The following KLHL1 variants were observed in gnomAD, a reference collection of about 807,000 sequenced individuals.
The protein encoded by KLHL1 is kelch-like protein 1.
A neutral mutation model predicts 77.7 loss-of-function variants in KLHL1; 47 were observed. That is an observed-to-expected ratio of 0.60 (90% CI 0.48 to 0.77). The LOEUF (loss-of-function observed/expected upper bound fraction) is 0.77, where lower values mean the gene tolerates loss of function less well. Ranked by LOEUF, KLHL1 falls within the 30% of genes least tolerant of loss-of-function variation. KLHL1 has a pLI of 0.00. For synonymous variants in KLHL1, 360 were observed against 325.2 expected (o/e 1.11, Z -1.15); for missense variants, 925 against 910.8 (o/e 1.02, Z -0.20).
At position 69,811,032 on chromosome 13, in the gene KLHL1, T is replaced by C. The variant is rs570177961; in HGVS notation, c.1415-14070A>G. ...ACCAGATGGATTCACAGCAGAATTC[T>C]ATCAGACATACAAAGAAGAGCTTGT... On this transcript the variant is annotated intron_variant, in intron 6 of 10. Coordinates refer to ENST00000377844, the MANE Select transcript of KLHL1 (RefSeq NM_020866.3). 5.1e-4 allele frequency among the ~76,000 whole-genome samples: 77 copies of C among 151,052 alleles called. 1 individual carries two copies. Among genetic ancestry groups the C allele is most frequent in the African/African-American group, 1.9e-3 (76 of 40,450 alleles).
intron 4 of KLHL1, among the ~76,000 whole-genome samples, chr13:69,883,179 A>G (rs1457264103): frequency 2.0e-5 from 3 of 151,960 alleles, no homozygotes; most frequent in Admixed American, 6.6e-5. Flanking sequence ...ATATTTCCAA[A>G]CCATAAATGT....
At chr13:69,854,049 G>A (rs375508018) in intron 5 of KLHL1, among the ~76,000 whole-genome samples, 28 of 151,994 alleles carry the variant, frequency 1.8e-4, no homozygotes, top group East Asian at 1.5e-3. Context: ...TGATCCTAGA[G>A]GCAAAATTTA....
chr13:70,049,894 A>G lies in KLHL1; in HGVS notation c.497+57309T>C, dbSNP rs1209496892. Among the ~76,000 whole-genome samples, 3 of 152,080 alleles carry G rather than the reference A, an allele frequency of 2.0e-5. 1 individual carries two copies. The highest frequency in any genetic ancestry group is 6.3e-3 in the Middle Eastern group (2 of 316). On this transcript the variant is annotated intron_variant, in intron 1 of 10. Coordinates refer to ENST00000377844, the MANE Select transcript of KLHL1 (RefSeq NM_020866.3). ...CTTCTGACAGAAAATTAATATTGCC[A>G]GCAATCTAGATTATTCCCAGATACA...
chr13:69,893,224 A>G (rs1373485805), intron 4 of KLHL1, among the ~76,000 whole-genome samples: 5 of 151,484 alleles, frequency 3.3e-5, no homozygotes, highest in Non-Finnish European at 7.4e-5. Flanking sequence ...GTAGCTACAT[A>G]AATTTTTTTT....
intron 1 of KLHL1, among the ~76,000 whole-genome samples, chr13:70,057,072 T>C (rs767857475): frequency 5.3e-4 from 80 of 152,026 alleles, no homozygotes; most frequent in Non-Finnish European, 8.8e-4. Flanking sequence ...TGAGAAAGAC[T>C]CAAATAAATA....
intron 5 of KLHL1, among the ~76,000 whole-genome samples, chr13:69,861,804 A>AAAAAC (rs1566337996): frequency 6.8e-6 from 1 of 148,120 alleles, no homozygotes. Context: ...AAAAAAAAAA[A>AAAAAC]AAAATACAAA....
intron 7 of KLHL1, among the ~76,000 whole-genome samples, chr13:69,793,282 A>G (rs1876950725): frequency 6.6e-6 from 1 of 152,122 alleles, no homozygotes; most frequent in Non-Finnish European, 1.5e-5. Flanking sequence ...GTGATAAAAT[A>G]AAAATTTGTA....
At chr13:69,787,745 T>G (rs1876635316) in intron 7 of KLHL1, among the ~76,000 whole-genome samples, 1 of 151,970 alleles carries the variant, frequency 6.6e-6, no homozygotes, top group Non-Finnish European at 1.5e-5. Context: ...GGGAGAAAAT[T>G]TTCACAACCT....
chr13:69,955,888 TA>T (rs1485901298), intron 3 of KLHL1, among the ~76,000 whole-genome samples: 1 of 139,000 alleles, frequency 7.2e-6, no homozygotes, highest in East Asian at 2.5e-4. Flanking sequence ...TTTATATATA[TA>T]TTTGATATAT....
rs754429516 is a variant in KLHL1 at position 69,838,965 on chromosome 13, GA to G, written c.1414+10del. The G allele has an allele frequency of 2.5e-5, 39 of 1,580,148 alleles. No homozygotes were observed. The highest frequency in any genetic ancestry group is 3.0e-5 in the Non-Finnish European group (35 of 1,161,708). The stretch of plus-strand genomic sequence containing the variant: ...CAGGATGTATAGTTATATAAATCCA[GA>G]ATTAAATACCTTTGTTGTTATCCAT... On this transcript the variant is annotated intron_variant, in intron 6 of 10. Coordinates refer to ENST00000377844, the MANE Select transcript of KLHL1 (RefSeq NM_020866.3).
chr13:70,021,828 T>C (rs1441557), intron 1 of KLHL1, among the ~76,000 whole-genome samples: 129,033 of 151,838 alleles, frequency 0.85, 55,192 homozygotes, highest in East Asian at 0.92. Flanking sequence ...TTTAAGAAAT[T>C]GGTTTTTGTT....
intron 6 of KLHL1, among the ~76,000 whole-genome samples, chr13:69,803,373 T>C (rs1045383001): frequency 1.3e-5 from 2 of 152,164 alleles, no homozygotes; most frequent in Middle Eastern, 6.4e-3. Flanking sequence ...ACATCCACAA[T>C]ATTAACCTGG....
chr13:69,810,339 T>A (rs1420620373), intron 6 of KLHL1, among the ~76,000 whole-genome samples: 1 of 152,068 alleles, frequency 6.6e-6, no homozygotes, highest in Non-Finnish European at 1.5e-5. Context: ...ATATGAAGCA[T>A]CTCCTTGGAT....
chr13:69,850,344 A>G (rs747497272), intron 5 of KLHL1, among the ~76,000 whole-genome samples: 1 of 151,494 alleles, frequency 6.6e-6, no homozygotes, highest in East Asian at 1.9e-4. Flanking sequence ...ATATGAATAC[A>G]TATTTCCAAA....
Position 70,107,388 on chromosome 13 carries a change from C to T in KLHL1, c.312G>A (p.Gln104=). The T allele has an allele frequency of 6.2e-7, 1 of 1,614,008 alleles. No homozygotes were observed. The highest frequency in any genetic ancestry group is 8.5e-7 in the Non-Finnish European group (1 of 1,180,020). The part of the protein sequence containing the change: ...GTLLPVATRL[Q]QGAPGQGTQQ... ...GAGTGCCCTGCCCAGGAGCCCCTTG[C>T]TGCAGCCTCGTGGCAACTGGAAGCA... The change falls in exon 1 of 11, where the codon CAG becomes CAA. Residue 104 remains glutamine, a synonymous_variant. Transcript: ENST00000377844.
At chr13:69,875,797 T>C (rs1880741062) in intron 5 of KLHL1, among the ~76,000 whole-genome samples, 1 of 152,132 alleles carries the variant, frequency 6.6e-6, no homozygotes, top group Admixed American at 6.6e-5. Context: ...TGTCTATGTA[T>C]TTCTGTTTTA....
chr13:69,785,307 C>G (rs1457286391), intron 7 of KLHL1, among the ~76,000 whole-genome samples: 1 of 152,184 alleles, frequency 6.6e-6, no homozygotes, highest in Non-Finnish European at 1.5e-5. Context: ...CGAACTGTCT[C>G]TCACACCACA....
chr13:70,095,158 T>C (rs375332427), intron 1 of KLHL1, among the ~76,000 whole-genome samples: 1 of 152,118 alleles, frequency 6.6e-6, no homozygotes, highest in East Asian at 1.9e-4. Context: ...GCATAATGAA[T>C]GGTATCGGTT....
intron 8 of KLHL1, among the ~76,000 whole-genome samples, chr13:69,721,562 A>G (rs1873066228): frequency 6.6e-6 from 1 of 152,222 alleles, no homozygotes; most frequent in South Asian, 2.1e-4. Context: ...TAAATCTATA[A>G]TATTCAATTT....
Sources: gnomAD v4.1 joint callset for allele counts (sites outside exome capture counted in the v4.1 genomes callset) on GRCh38, gnomAD v4.1.1 for gene constraint, MANE v1.5 for transcripts, NCBI Gene and HGNC (gene_info 2026-07-23, HGNC 2026-07-21) for gene names.